GPC6: variants seen among roughly 807,000 people sequenced by gnomAD.
GPC6 encodes the protein glypican-6.
A neutral mutation model predicts 55.2 loss-of-function variants in GPC6; 14 were observed. That is an observed-to-expected ratio of 0.25 (90% confidence interval 0.17 to 0.40). The LOEUF (loss-of-function observed/expected upper bound fraction) is 0.40, where lower values mean the gene tolerates loss of function less well. Among genes scored for constraint, GPC6 ranks in the 10% least tolerant of loss-of-function variants. The probability of loss-of-function intolerance (pLI) is 1.00; values close to 1 mark genes in which losing one functional copy is unlikely to be tolerated. For synonymous variants in GPC6, 278 were observed against 259.6 expected (o/e 1.07, Z -0.68); for missense variants, 641 against 708.5 (o/e 0.90, Z 1.08).
chr13:93,815,341 A>G (rs893438146), intron 2 of GPC6, among the ~76,000 whole-genome samples: 16 of 152,190 alleles, frequency 1.1e-4, no homozygotes, highest in Non-Finnish European at 1.5e-5. Context: ...TGAATGATCC[A>G]TATAATTCAA....
At position 94,306,301 on chromosome 13, in the gene GPC6, G is replaced by A. The variant is rs978497644; in HGVS notation, c.1152+178G>A. Reference sequence around the variant, plus strand: ...GGATCTTTCTTTTGGGTCATGTATTGGATTATTTAAGAAATCTATTAATCC... The same window carrying A: ...GGATCTTTCTTTTGGGTCATGTATTAGATTATTTAAGAAATCTATTAATCC... On this transcript the variant is annotated intron_variant, in intron 6 of 8. Transcript: ENST00000377047. 4.2e-6 allele frequency: 3 copies of A among 720,206 alleles called. No individual in the cohort carries two copies. In the African/African-American group the frequency reaches 5.3e-5, roughly 13 times the overall value. The allele number at this position is 720,206 out of a possible 1,614,324, so 44.6% of individuals were successfully genotyped here. A position where few individuals can be genotyped will look rare whatever the true frequency, so the allele number is the denominator to read the frequency against.
chr13:93,598,007 G>A (rs779019087), intron 2 of GPC6, among the ~76,000 whole-genome samples: 9 of 152,044 alleles, frequency 5.9e-5, no homozygotes, highest in Non-Finnish European at 7.4e-5. Context: ...ATCTTGGTGC[G>A]GTGTTGCACA....
intron 2 of GPC6, among the ~76,000 whole-genome samples, chr13:93,782,932 T>C (rs1885701586): frequency 6.6e-6 from 1 of 152,146 alleles, no homozygotes; most frequent in Admixed American, 6.5e-5. Context: ...GCTGCACCTA[T>C]CAATCCATCA....
At chr13:93,892,181 T>C (rs534873918) in intron 3 of GPC6, among the ~76,000 whole-genome samples, 7 of 152,122 alleles carry the variant, frequency 4.6e-5, no homozygotes, top group South Asian at 4.1e-4. Flanking sequence ...GGGACAGATA[T>C]ACTAAGCCAT....
At chr13:93,436,891 G>C (rs961321527) in intron 1 of GPC6, among the ~76,000 whole-genome samples, 2 of 151,902 alleles carry the variant, frequency 1.3e-5, no homozygotes, top group Non-Finnish European at 2.9e-5. Context: ...TGCTTTTTTG[G>C]GGGGTTTGTT....
At chr13:93,436,633 G>C (rs1257847773) in intron 1 of GPC6, among the ~76,000 whole-genome samples, 5 of 151,992 alleles carry the variant, frequency 3.3e-5, no homozygotes, top group Non-Finnish European at 7.4e-5. Context: ...TGTATACTTA[G>C]GGAATGCTTT....
intron 1 of GPC6, among the ~76,000 whole-genome samples, chr13:93,295,389 C>A (rs562463269): frequency 6.6e-6 from 1 of 151,102 alleles, no homozygotes; most frequent in Non-Finnish European, 1.5e-5. Flanking sequence ...TGATTTCTCA[C>A]AGTTCTGGAG....
intron 2 of GPC6, among the ~76,000 whole-genome samples, chr13:93,643,197 T>C (rs1880032732): frequency 6.6e-6 from 1 of 152,140 alleles, no homozygotes; most frequent in Non-Finnish European, 1.5e-5. Context: ...TATTCATTCA[T>C]GAATTTCAAA....
Position 93,399,061 on chromosome 13 carries a change from G to GACACACACAC in GPC6, c.161-146189_161-146180dup, listed in dbSNP as rs35212206. On this transcript the variant is annotated intron_variant, in intron 1 of 8. Coordinates refer to ENST00000377047, the MANE Select transcript of GPC6 (RefSeq NM_005708.5). Reference sequence around the variant, plus strand: ...CATCTCTCTCCTACACACACACACAGACACACACACACACACACACACGTG... The same window carrying GACACACACAC: ...CATCTCTCTCCTACACACACACACAGACACACACACACACACACACACACACACACACGTG... 8.5e-3 allele frequency among the ~76,000 whole-genome samples: 1,282 copies of GACACACACAC among 150,738 alleles called. 6 individuals are homozygous for GACACACACAC. The highest frequency in any genetic ancestry group is 0.015 in the Non-Finnish European group (999 of 67,728).
At chr13:93,672,727 A>T (rs915288208) in intron 2 of GPC6, among the ~76,000 whole-genome samples, 1 of 151,690 alleles carries the variant, frequency 6.6e-6, no homozygotes, top group African/African-American at 2.4e-5. Flanking sequence ...AAAATTAGAT[A>T]CATATATAAA....
intron 3 of GPC6, among the ~76,000 whole-genome samples, chr13:93,862,292 C>A (rs1888837443): frequency 6.6e-6 from 1 of 151,542 alleles, no homozygotes; most frequent in African/African-American, 2.4e-5. Context: ...TCAGCATTCA[C>A]ATGAAAGTTT....
chr13:93,528,405 T>G (rs1048017887), intron 1 of GPC6, among the ~76,000 whole-genome samples: 1 of 152,038 alleles, frequency 6.6e-6, no homozygotes, highest in Admixed American at 6.6e-5. Flanking sequence ...GCATTAAGAG[T>G]CAGAGAGAGT....
chr13:93,958,312 C>A (rs1008667632), intron 3 of GPC6, among the ~76,000 whole-genome samples: 11 of 152,100 alleles, frequency 7.2e-5, no homozygotes, highest in African/African-American at 2.7e-4. Context: ...TCTAGGTTTT[C>A]TTCTAAGATT....
At chr13:94,125,954 C>T (rs1415368387) in intron 4 of GPC6, among the ~76,000 whole-genome samples, 1 of 152,076 alleles carries the variant, frequency 6.6e-6, no homozygotes, top group African/African-American at 2.4e-5. Context: ...AGTAACATCT[C>T]ATGTAAATAT....
rs543283792 is a variant in GPC6, at chr13:94,192,488, C to T, written c.878-93861C>T. On this transcript the variant is annotated intron_variant, in intron 4 of 8. Transcript: ENST00000377047. The stretch of plus-strand genomic sequence containing the variant: ...TACTAGCTCAAGGGAAAGGGTACCA[C>T]GTAGTCAATCACTTCCCACATATGC... Among the ~76,000 whole-genome samples, 8 of 152,270 alleles carry T rather than the reference C, an allele frequency of 5.3e-5. No homozygotes were observed. The South Asian group carries it at 6.2e-4, about 12-fold the overall frequency.
At chr13:93,370,531 T>C (rs1481125480) in intron 1 of GPC6, among the ~76,000 whole-genome samples, 2 of 152,118 alleles carry the variant, frequency 1.3e-5, no homozygotes, top group Non-Finnish European at 2.9e-5. Flanking sequence ...TGTTAAATAA[T>C]CAGAAATCTA....
intron 2 of GPC6, among the ~76,000 whole-genome samples, chr13:93,674,976 A>C (rs1483055872): frequency 6.6e-6 from 1 of 152,192 alleles, no homozygotes; most frequent in Non-Finnish European, 1.5e-5. Context: ...ACCTAATCAA[A>C]ACTCAAATGC....
chr13:94,144,048 G>A (rs1221349199), intron 4 of GPC6, among the ~76,000 whole-genome samples: 3 of 152,160 alleles, frequency 2.0e-5, no homozygotes, highest in Non-Finnish European at 2.9e-5. Flanking sequence ...TCCTAATGGT[G>A]AAAAGAAGAC....
At chr13:94,242,238 G>C (rs1891076712) in intron 4 of GPC6, among the ~76,000 whole-genome samples, 1 of 152,004 alleles carries the variant, frequency 6.6e-6, no homozygotes, top group African/African-American at 2.4e-5. Context: ...TCCCTACAAA[G>C]GACATGAAGT....
Sources: gnomAD v4.1 joint callset for allele counts (sites outside exome capture counted in the v4.1 genomes callset) on GRCh38, gnomAD v4.1.1 for gene constraint, MANE v1.5 for transcripts, NCBI Gene and HGNC (gene_info 2026-07-23, HGNC 2026-07-21) for gene names.